Variants in GALNT6 observed in about 807,000 individuals in gnomAD.
The protein encoded by GALNT6 is GalNAc transferase 6.
A neutral mutation model predicts 65.9 loss-of-function variants in GALNT6; 51 were observed. The observed-to-expected ratio is 0.77, with a 90% CI of 0.62 to 0.98. The LOEUF is 0.98. Ranked by LOEUF, GALNT6 falls within the 50% of genes least tolerant of loss-of-function variation. The probability of loss-of-function intolerance (pLI) is 0.00; values close to 1 mark genes in which losing one functional copy is unlikely to be tolerated. For synonymous variants in GALNT6, 323 were observed against 315.1 expected, an observed-to-expected ratio of 1.02 and a Z score of -0.26; for missense variants, 708 against 803.3, an observed-to-expected ratio of 0.88 and a Z score of 1.43.
At chr12:51,355,694 C>T in intron 11 of GALNT6, 112 bp downstream of exon 11, 1 of 965,192 alleles carries the variant, frequency 1.0e-6, no homozygotes, top group Non-Finnish European at 1.6e-6. Context: ...GTCTCGAACT[C>T]CTGACCTCGT....
At position 51,379,651 on chromosome 12, in the gene GALNT6, T is replaced by C. The variant is rs752427738; in HGVS notation, c.131A>G (p.Lys44Arg). 68 of 1,614,070 alleles carry C rather than the reference T, an allele frequency of 4.2e-5. No homozygotes were observed. The highest frequency in any genetic ancestry group is 5.4e-5 in the Non-Finnish European group (64 of 1,180,034). Residue 44 changes from lysine to arginine, a missense_variant, in exon 3 of 12, where the codon AAG becomes AGG. Coordinates refer to ENST00000356317, the MANE Select transcript of GALNT6 (RefSeq NM_007210.4). ...REEATEKPWL[K>R]SLVSRKDHVL... ...GTGATCCTTCCGGCTCACCAGGGAC[T>C]TCAGCCACGGCTTCTCTGTGGCCTC...
At chr12:51,377,103 G>A (rs772668937) in intron 4 of GALNT6, 92 bp downstream of exon 4, 2 of 1,055,626 alleles carry the variant, frequency 1.9e-6, no homozygotes, top group Non-Finnish European at 2.9e-6. Context: ...AGGCTCATGA[G>A]GTGGTGCCTG....
intron 6 of GALNT6, among the ~76,000 whole-genome samples, chr12:51,361,486 A>C (rs1230713288): frequency 6.6e-6 from 1 of 152,228 alleles, no homozygotes; most frequent in East Asian, 1.9e-4. Context: ...AGCTGATAAA[A>C]GGTGCTCCTG....
At chr12:51,359,441 T>C (rs1946851480) in intron 7 of GALNT6, 109 bp from the exon 8 acceptor site, 1 of 718,678 alleles carries the variant, frequency 1.4e-6, no homozygotes, top group Admixed American at 2.6e-5. Flanking sequence ...TCCAAGGACT[T>C]GGGCAAATGC....
chr12:51,367,706 C>A (rs1169524782), intron 4 of GALNT6, among the ~76,000 whole-genome samples: 1 of 152,176 alleles, frequency 6.6e-6, no homozygotes, highest in Non-Finnish European at 1.5e-5. Flanking sequence ...TGAAATTAAG[C>A]AGCTTAGGGG....
Position 51,360,675 on chromosome 12 carries a change from T to C in GALNT6, c.1167+46A>G, listed in dbSNP as rs184487528. The C allele has an allele frequency of 5.1e-5, 55 of 1,088,464 alleles. No homozygotes were observed. The East Asian group carries it at 1.1e-3, about 22-fold the overall frequency. The allele number at this position is 1,088,464 out of a possible 1,614,324, so 67.4% of individuals were successfully genotyped here. ...TGCCTGAGAGATGTTTCTCAAGCTGTCGCCTGGGATGTTGTGGTTCCCCCC... is the reference window on the plus strand; with the variant it reads ...TGCCTGAGAGATGTTTCTCAAGCTGCCGCCTGGGATGTTGTGGTTCCCCCC... On this transcript the variant is annotated intron_variant, in intron 7 of 11. Coordinates refer to ENST00000356317, the MANE Select transcript of GALNT6 (RefSeq NM_007210.4).
rs1475683826 is a variant in GALNT6, at chr12:51,356,107, C to A, written c.1603-149G>T. 4 of 626,396 alleles carry A rather than the reference C, an allele frequency of 6.4e-6. No homozygotes were observed. The Admixed American group carries it at 1.2e-4, about 18-fold the overall frequency. The allele number at this position is 626,396 out of a possible 1,614,324, so 38.8% of individuals were successfully genotyped here. ...ACTTTACTCATTTATGTGCTGCCTT[C>A]AGGATTGTTACCATATCAGGGTTAT... On this transcript the variant is annotated intron_variant, in intron 10 of 11. Transcript: ENST00000356317.
rs534102589 is a variant in GALNT6 at position 51,364,293 on chromosome 12, C to A, written c.877G>T (p.Val293Leu). The change falls in exon 6 of 12, where the codon GTG becomes TTG. Residue 293 changes from valine (V) to leucine (L), a missense_variant. Physicochemically the swap from Val to Leu is conservative, Grantham distance 32. Transcript: ENST00000356317. The stretch of plus-strand genomic sequence containing the variant: ...ATGGTGACGATGTCTGGGCTCACCA[C>A]CACTGTCTTGTCCTCAGCGATTCGA... ...LARIAEDKTV[V>L]VSPDIVTIDL... 6.2e-6 allele frequency: 10 copies of A among 1,614,226 alleles called. No homozygotes were observed. The highest frequency in any genetic ancestry group is 2.2e-5 in the South Asian group (2 of 91,082).
At chr12:51,358,866 G>A (rs894315004) in intron 8 of GALNT6, among the ~76,000 whole-genome samples, 28 of 152,088 alleles carry the variant, frequency 1.8e-4, no homozygotes, top group Non-Finnish European at 2.5e-4. Context: ...CAAAGCCTCC[G>A]TAAGAGGCTT....
At chr12:51,360,875 G>A in intron 6 of GALNT6, 37 bp from the exon 7 acceptor site, 1 of 1,400,554 alleles carries the variant, frequency 7.1e-7, no homozygotes, top group African/African-American at 1.4e-5. Flanking sequence ...GCATCTTCTG[G>A]GAGAGGAGGA....
At chr12:51,376,505 T>C (rs1383970515) in intron 4 of GALNT6, among the ~76,000 whole-genome samples, 3 of 151,966 alleles carry the variant, frequency 2.0e-5, no homozygotes, top group Admixed American at 6.6e-5. Flanking sequence ...TGGTGGCACA[T>C]GCCTGTAATC....
At chr12:51,359,549 A>T in intron 7 of GALNT6, 1 of 454,216 alleles carries the variant, frequency 2.2e-6, no homozygotes, top group Admixed American at 3.8e-5. Context: ...CTCTGACTTA[A>T]GCACAGGGAG....
intron 10 of GALNT6, among the ~76,000 whole-genome samples, chr12:51,356,451 G>A (rs981280481): frequency 8.6e-5 from 12 of 139,376 alleles, no homozygotes; most frequent in African/African-American, 2.4e-4. Context: ...CCTTGAATTC[G>A]TTTGTTCAAG....
In GALNT6 at chr12:51,378,036, A is replaced by G. The variant is rs1379133291; in HGVS notation, c.492-669T>C. ...AATGTGTGAATCCTGGATCTCAAGG[A>G]ATCATGTGACCTCACACCCTTTCCT... is the stretch of plus-strand genomic sequence containing the variant. On this transcript the variant is annotated intron_variant, in intron 3 of 11. Transcript: ENST00000356317. Among the ~76,000 whole-genome samples, 6 of 152,132 alleles carry G rather than the reference A, an allele frequency of 3.9e-5. No homozygotes were observed. In the South Asian group the frequency reaches 6.2e-4, roughly 16 times the overall value.
chr12:51,355,746 C>T lies in GALNT6; in HGVS notation c.1755+60G>A, dbSNP rs982889408. ...CCTCTCAAAGTGCTGGGATTACAGG[C>T]GTGAGCCACCACACCTGGCCTCAAG... is the stretch of plus-strand genomic sequence containing the variant. On this transcript the variant is annotated intron_variant, in intron 11 of 11. Transcript: ENST00000356317. 12 of 1,522,018 alleles carry T rather than the reference C, an allele frequency of 7.9e-6. No homozygotes were observed. The Middle Eastern group carries it at 7.0e-4, about 89-fold the overall frequency. The allele number at this position is 1,522,018 out of a possible 1,614,324, so 94.3% of individuals were successfully genotyped here. A position where few individuals can be genotyped will look rare whatever the true frequency, so the allele number is the denominator to read the frequency against.
At chr12:51,372,186 G>C (rs534774873) in intron 4 of GALNT6, among the ~76,000 whole-genome samples, 3 of 152,250 alleles carry the variant, frequency 2.0e-5, no homozygotes, top group Non-Finnish European at 2.9e-5. Flanking sequence ...AGAATGACTA[G>C]CTTAGGTTTT....
Position 51,379,443 on chromosome 12 carries a change from A to T in GALNT6, c.339T>A (p.Pro113=), listed in dbSNP as rs1156500183. 1 of 1,613,740 alleles carries T rather than the reference A, an allele frequency of 6.2e-7. No homozygotes were observed. The highest frequency in any genetic ancestry group is 1.7e-5 in the Admixed American group (1 of 59,940). ...WERPPQDPNA[P]GADGKAFQKS... ...TCTGAAATGCTTTTCCATCTGCCCCAGGGGCATTGGGGTCCTGTGGTGGCC... is the reference window on the plus strand; with the variant it reads ...TCTGAAATGCTTTTCCATCTGCCCCTGGGGCATTGGGGTCCTGTGGTGGCC... Residue 113 remains proline, a synonymous_variant, in exon 3 of 12, where the codon CCT becomes CCA. Transcript: ENST00000356317.
chr12:51,366,695 G>A (rs1947117370), intron 4 of GALNT6, among the ~76,000 whole-genome samples: 1 of 152,118 alleles, frequency 6.6e-6, no homozygotes, highest in Non-Finnish European at 1.5e-5. Context: ...CCCAAAGAAG[G>A]GCCAAATCTC....
chr12:51,355,737 G>A, intron 11 of GALNT6, 69 bp downstream of exon 11: 1 of 1,482,358 alleles, frequency 6.7e-7, no homozygotes, highest in Non-Finnish European at 9.3e-7. Context: ...AAAGTGCTGG[G>A]ATTACAGGCG....
Sources: gnomAD v4.1 joint callset for allele counts (sites outside exome capture counted in the v4.1 genomes callset) on GRCh38, gnomAD v4.1.1 for gene constraint, MANE v1.5 for transcripts, NCBI Gene and HGNC (gene_info 2026-07-23, HGNC 2026-07-21) for gene names.